Variants in RSRP1 observed in about 807,000 individuals in gnomAD.
RSRP1 encodes the protein arginine/serine-rich protein 1.
Under a neutral mutation model 33.0 loss-of-function variants are expected in RSRP1, and 37 were observed. That is an observed-to-expected ratio of 1.12 (90% CI 0.86 to 1.48). RSRP1 has a LOEUF of 1.48. Ranked by LOEUF, RSRP1 falls within the 40% of genes most tolerant of loss-of-function variation. The probability of loss-of-function intolerance (pLI) is 0.00; values close to 1 mark genes in which losing one functional copy is unlikely to be tolerated. For missense variants in RSRP1, 402 were observed against 385.3 expected, an observed-to-expected ratio of 1.04 and a Z score of -0.36; for synonymous variants, 167 against 158.7, an observed-to-expected ratio of 1.05 and a Z score of -0.40.
upstream of RSRP1, among the ~76,000 whole-genome samples, chr1:25,250,040 TGAA>T (rs1359072493): frequency 6.6e-6 from 1 of 152,156 alleles, no homozygotes; most frequent in African/African-American, 2.4e-5. Context: ...CTCTCGGCCC[TGAA>T]GAAGGGGCTA....
At chr1:25,312,944 A>C (rs1336887663) in intron 1 of RSRP1, among the ~76,000 whole-genome samples, 26 of 110,032 alleles carry the variant, frequency 2.4e-4, no homozygotes, top group African/African-American at 7.5e-4. Flanking sequence ...AAAAAAAAAA[A>C]AAAAAAAAAA....
rs1424726535 is a variant in RSRP1 at position 25,320,813 on chromosome 1, G to A, written c.-67+17165C>T. Among the ~76,000 whole-genome samples, 10 of 131,350 alleles carry A rather than the reference G, an allele frequency of 7.6e-5. 2 individuals are homozygous for A. Among genetic ancestry groups the A allele is most frequent in the Admixed American group, 5.2e-4 (7 of 13,404 alleles). The allele number at this position is 131,350 out of a possible 152,430, so 86.2% of individuals were successfully genotyped here. ...TCGCAGCCATTTAGAAGGCAAAGGC[G>A]GGCAGATCACTTGAGCTCAGGTGTT... is the stretch of plus-strand genomic sequence containing the variant. On this transcript the variant is annotated intron_variant, in intron 1 of 1. Coordinates refer to the RSRP1 transcript ENST00000561867.
At chr1:25,250,410 G>A (rs1258731216), upstream of RSRP1, among the ~76,000 whole-genome samples, 1 of 152,202 alleles carries the variant, frequency 6.6e-6, no homozygotes, top group Non-Finnish European at 1.5e-5. Flanking sequence ...TGTCTGCTAG[G>A]AGAGAGTCAC....
chr1:25,254,922 A>AC (rs1639902682), intron 1 of RSRP1, among the ~76,000 whole-genome samples: 1 of 152,206 alleles, frequency 6.6e-6, no homozygotes, highest in Admixed American at 6.5e-5. Context: ...TGAGAATGAG[A>AC]CAGTCACGTC....
intron 1 of RSRP1, among the ~76,000 whole-genome samples, chr1:25,322,418 A>G (rs2124159300): frequency 7.5e-6 from 1 of 133,416 alleles, no homozygotes; most frequent in East Asian, 2.0e-4. Context: ...CACGCCTGTG[A>G]TCCCAGCACT....
chr1:25,244,163 G>A (rs1204313775), intron 3 of RSRP1: 5 of 1,287,870 alleles, frequency 3.9e-6, no homozygotes, highest in Non-Finnish European at 2.0e-6. Context: ...CATTTCTGGA[G>A]AATTATAATA....
intron 1 of RSRP1, among the ~76,000 whole-genome samples, chr1:25,312,867 C>T (rs1200112487): frequency 1.0e-5 from 1 of 95,354 alleles, no homozygotes; most frequent in Non-Finnish European, 2.2e-5. Flanking sequence ...CTGCAGTGAG[C>T]TATGATCATG....
Position 25,321,379 on chromosome 1 carries a change from G to A in RSRP1, c.-67+16599C>T, listed in dbSNP as rs1306808001. Among the ~76,000 whole-genome samples, 10 of 123,836 alleles carry A rather than the reference G, an allele frequency of 8.1e-5. 5 individuals are homozygous for A. Among genetic ancestry groups the A allele is most frequent in the Middle Eastern group, 8.4e-3 (2 of 238 alleles). The allele number at this position is 123,836 out of a possible 152,430, so 81.2% of individuals were successfully genotyped here. A position where few individuals can be genotyped will look rare whatever the true frequency, so the allele number is the denominator to read the frequency against. ...AAAAAAAAAAAATGTCTACAGAATC[G>A]GCCAGGTGTGGTGGCTCATGCCTGT... On this transcript the variant is annotated intron_variant, in intron 1 of 1. Coordinates refer to the RSRP1 transcript ENST00000561867.
At chr1:25,264,422 G>C (rs1026160568) in intron 1 of RSRP1, among the ~76,000 whole-genome samples, 1 of 150,996 alleles carries the variant, frequency 6.6e-6, no homozygotes, top group African/African-American at 2.4e-5. Flanking sequence ...CATGGAAGCT[G>C]TCAAGGCTTG....
At chr1:25,256,326 TAA>T (rs1181329590) in intron 1 of RSRP1, among the ~76,000 whole-genome samples, 1 of 152,052 alleles carries the variant, frequency 6.6e-6, no homozygotes, top group Non-Finnish European at 1.5e-5. Flanking sequence ...GACTAATTTT[TAA>T]AAAGAGTGTT....
chr1:25,314,482 C>G lies in RSRP1; in HGVS notation c.-67+23496G>C, dbSNP rs760343732. On this transcript the variant is annotated intron_variant, in intron 1 of 1. Coordinates refer to the RSRP1 transcript ENST00000561867. ...TCCTGGATATGAATCCCACTTTGTGCGTTACCTTTTTCCTTCTTTCTTTCT... is the reference window on the plus strand; with the variant it reads ...TCCTGGATATGAATCCCACTTTGTGGGTTACCTTTTTCCTTCTTTCTTTCT... Among the ~76,000 whole-genome samples the G allele has an allele frequency of 2.3e-5, 3 of 131,684 alleles. 1 individual carries two copies. Among genetic ancestry groups the G allele is most frequent in the Non-Finnish European group, 5.4e-5 (3 of 55,550 alleles). 86.4% of individuals were successfully genotyped at this position (131,684 alleles called of 152,430 possible). A position where few individuals can be genotyped will look rare whatever the true frequency, so the allele number is the denominator to read the frequency against.
upstream of RSRP1, among the ~76,000 whole-genome samples, chr1:25,249,243 T>G (rs1639696458): frequency 6.6e-6 from 1 of 152,226 alleles, no homozygotes; most frequent in African/African-American, 2.4e-5. Flanking sequence ...GATACAGTTT[T>G]GAGCTCTTGG....
At chr1:25,276,855 T>C (rs1223249292) in intron 1 of RSRP1, among the ~76,000 whole-genome samples, 1 of 132,404 alleles carries the variant, frequency 7.6e-6, no homozygotes, top group East Asian at 1.9e-4. Flanking sequence ...TCACGAGGTC[T>C]GGAGATGGAG....
rs1315633936 is a variant in RSRP1, at chr1:25,278,530, G to A, written c.-66-31501C>T. On this transcript the variant is annotated intron_variant, in intron 1 of 1. Transcript: ENST00000561867. ...ACCCAGGGTCATTCATGCATCTGCAGTTTGGGGTGGGATGGCCTCAGATGA... is the reference window on the plus strand; with the variant it reads ...ACCCAGGGTCATTCATGCATCTGCAATTTGGGGTGGGATGGCCTCAGATGA... Among the ~76,000 whole-genome samples the A allele has an allele frequency of 1.5e-5, 2 of 131,882 alleles. 1 individual carries two copies. The highest frequency in any genetic ancestry group is 3.6e-5 in the Non-Finnish European group (2 of 55,682). The allele number at this position is 131,882 out of a possible 152,430, so 86.5% of individuals were successfully genotyped here.
Position 25,273,954 on chromosome 1 carries a change from A to T in RSRP1, c.-66-26925T>A, listed in dbSNP as rs1158132028. Among the ~76,000 whole-genome samples the T allele has an allele frequency of 3.1e-5, 4 of 130,980 alleles. 1 individual carries two copies. The highest frequency in any genetic ancestry group is 7.2e-5 in the Non-Finnish European group (4 of 55,288). The allele number at this position is 130,980 out of a possible 152,430, so 85.9% of individuals were successfully genotyped here. ...TACCATTTAAGGTGCTGGCCCAGAG[A>T]GGAGCCTTCAGTGACAGACAAACAA... On this transcript the variant is annotated intron_variant, in intron 1 of 1. Coordinates refer to the RSRP1 transcript ENST00000561867.
intron 1 of RSRP1, among the ~76,000 whole-genome samples, chr1:25,256,069 C>T (rs1030135198): frequency 6.6e-6 from 1 of 151,866 alleles, no homozygotes; most frequent in African/African-American, 2.4e-5. Flanking sequence ...CAGCTCTGAA[C>T]GTTGTTCCCA....
chr1:25,264,608 T>C (rs1640266409), intron 1 of RSRP1, among the ~76,000 whole-genome samples: 1 of 151,264 alleles, frequency 6.6e-6, no homozygotes, highest in Non-Finnish European at 1.5e-5. Flanking sequence ...ATGGGAGGGG[T>C]TGCCATAAAG....
At position 25,331,030 on chromosome 1, in the gene RSRP1, G is replaced by T. The variant is rs28512306; in HGVS notation, c.-67+6948C>A. Among the ~76,000 whole-genome samples the T allele has an allele frequency of 3.1e-4, 33 of 106,864 alleles. 5 individuals carry two copies. The highest frequency in any genetic ancestry group is 5.8e-4 in the South Asian group (2 of 3,432). 70.1% of individuals were successfully genotyped at this position (106,864 alleles called of 152,430 possible). ...CCAGGCTGGAGTGCAGTGGCCCGAT[G>T]GATCTCGGCTCACTGCAACCTCTGC... On this transcript the variant is annotated intron_variant, in intron 1 of 1. Transcript: ENST00000561867.
intron 1 of RSRP1, among the ~76,000 whole-genome samples, chr1:25,287,109 A>G (rs1486789897): frequency 7.4e-6 from 1 of 135,008 alleles, no homozygotes; most frequent in East Asian, 1.9e-4. Context: ...AAAACAAAAC[A>G]AAAACAGTCT....
Sources: gnomAD v4.1 joint callset for allele counts (sites outside exome capture counted in the v4.1 genomes callset) on GRCh38, gnomAD v4.1.1 for gene constraint, MANE v1.5 for transcripts, NCBI Gene and HGNC (gene_info 2026-07-23, HGNC 2026-07-21) for gene names.